BABAM2: variants seen among roughly 807,000 people sequenced by gnomAD.
BABAM2 encodes BRISC and BRCA1-A complex member 2.
In BABAM2, 31 loss-of-function variants were observed where a neutral mutation model predicts 54.7. That is an observed-to-expected ratio of 0.57 (90% confidence interval 0.43 to 0.77). BABAM2 has a LOEUF of 0.77. Ranked by LOEUF, BABAM2 falls within the 30% of genes least tolerant of loss-of-function variation. BABAM2 has a pLI of 0.00. For synonymous variants in BABAM2, 167 were observed against 162.9 expected (o/e 1.03, Z -0.19); for missense variants, 364 against 455.8 (o/e 0.80, Z 1.83).
At chr2:28,006,418 T>C (rs1014533777) in intron 4 of BABAM2, among the ~76,000 whole-genome samples, 2 of 152,092 alleles carry the variant, frequency 1.3e-5, no homozygotes, top group African/African-American at 4.8e-5. Context: ...TAGATTTTAT[T>C]TAGATAATTG....
intron 1 of BABAM2, among the ~76,000 whole-genome samples, chr2:27,893,239 GA>G (rs1665009121): frequency 6.6e-6 from 1 of 152,262 alleles, no homozygotes; most frequent in South Asian, 2.1e-4. Context: ...AATCTATTAA[GA>G]AGAATTCGTG....
chr2:28,260,861 G>A (rs1035981148), intron 10 of BABAM2, among the ~76,000 whole-genome samples: 5 of 151,408 alleles, frequency 3.3e-5, no homozygotes, highest in African/African-American at 4.9e-5. Context: ...TACAAGTCTT[G>A]CACATCTTTT....
chr2:28,250,831 C>T (rs1683404934), intron 10 of BABAM2, among the ~76,000 whole-genome samples: 1 of 152,094 alleles, frequency 6.6e-6, no homozygotes, highest in South Asian at 2.1e-4. Flanking sequence ...GATCTCCTGA[C>T]CTCGTGATCT....
At chr2:28,120,345 A>G (rs944358682) in intron 6 of BABAM2, among the ~76,000 whole-genome samples, 1 of 152,214 alleles carries the variant, frequency 6.6e-6, no homozygotes, top group East Asian at 1.9e-4. Context: ...GTAAATATAC[A>G]GTAAATCTTT....
At chr2:28,011,522 G>C (rs967864405) in intron 4 of BABAM2, among the ~76,000 whole-genome samples, 2 of 152,164 alleles carry the variant, frequency 1.3e-5, no homozygotes, top group African/African-American at 4.8e-5. Flanking sequence ...TTTCGACTAA[G>C]AGGAAGAGGG....
At chr2:27,945,299 G>A (rs1669217418) in intron 3 of BABAM2, among the ~76,000 whole-genome samples, 1 of 152,048 alleles carries the variant, frequency 6.6e-6, no homozygotes, top group Non-Finnish European at 1.5e-5. Flanking sequence ...AAGGTGCTGA[G>A]ATTACAGGCA....
chr2:27,916,089 T>C (rs1666946464), intron 2 of BABAM2, among the ~76,000 whole-genome samples: 1 of 152,236 alleles, frequency 6.6e-6, no homozygotes, highest in Non-Finnish European at 1.5e-5. Context: ...GCTCTGCTAG[T>C]ACATTCCCTT....
intron 11 of BABAM2, among the ~76,000 whole-genome samples, chr2:28,330,334 G>A (rs914142956): frequency 1.3e-5 from 2 of 152,224 alleles, no homozygotes; most frequent in South Asian, 4.1e-4. Context: ...TCTGGCCAGA[G>A]AAATAAGGCA....
At position 28,037,341 on chromosome 2, in the gene BABAM2, T is replaced by G. The variant is rs533724618; in HGVS notation, c.496-8384T>G. Among the ~76,000 whole-genome samples, 3 of 152,322 alleles carry G rather than the reference T, an allele frequency of 2.0e-5. No individual in the cohort carries two copies. In the East Asian group the frequency reaches 5.8e-4, roughly 29 times the overall value. On this transcript the variant is annotated intron_variant, in intron 5 of 11. Coordinates refer to ENST00000379624, the MANE Select transcript of BABAM2 (RefSeq NM_199191.3). Reference sequence around the variant, plus strand: ...ATTATGCACTGTTTTGGATCTTCCTTTTAACTCAATATAGCTCAGAGATTT... The same window carrying G: ...ATTATGCACTGTTTTGGATCTTCCTGTTAACTCAATATAGCTCAGAGATTT...
chr2:27,937,684 A>C (rs916327203), intron 3 of BABAM2, among the ~76,000 whole-genome samples: 8 of 151,762 alleles, frequency 5.3e-5, no homozygotes, highest in Admixed American at 3.9e-4. Flanking sequence ...TAGTGGCTTG[A>C]ATTCTTTATA....
intron 11 of BABAM2, among the ~76,000 whole-genome samples, chr2:28,336,210 G>A (rs1691452043): frequency 2.6e-5 from 4 of 152,182 alleles, no homozygotes; most frequent in Admixed American, 2.6e-4. Flanking sequence ...CAGGAGCTAT[G>A]GGAGTCACTA....
intron 7 of BABAM2, among the ~76,000 whole-genome samples, chr2:28,200,373 A>T (rs1346678231): frequency 6.6e-6 from 1 of 152,232 alleles, no homozygotes; most frequent in Non-Finnish European, 1.5e-5. Flanking sequence ...TTTGTTAGAG[A>T]AGTGAATGAA....
At chr2:27,956,214 G>A (rs975498281) in intron 3 of BABAM2, among the ~76,000 whole-genome samples, 7 of 152,000 alleles carry the variant, frequency 4.6e-5, no homozygotes, top group Admixed American at 2.6e-4. Context: ...TTTCTTTTAT[G>A]TTCTGGTTCC....
At chr2:27,901,448 G>A (rs1466499996) in intron 2 of BABAM2, among the ~76,000 whole-genome samples, 1 of 152,182 alleles carries the variant, frequency 6.6e-6, no homozygotes, top group Non-Finnish European at 1.5e-5. Context: ...CATCTGCTGT[G>A]ACATCTCATC....
At chr2:27,948,282 T>A (rs1027471428) in intron 3 of BABAM2, among the ~76,000 whole-genome samples, 12 of 152,272 alleles carry the variant, frequency 7.9e-5, no homozygotes, top group South Asian at 2.1e-4. Context: ...TTTTTTTTTT[T>A]ATCTATTGAT....
At chr2:27,894,783 A>G (rs1665155784) in intron 2 of BABAM2, 99 bp downstream of exon 2, 4 of 1,408,184 alleles carry the variant, frequency 2.8e-6, no homozygotes, top group Non-Finnish European at 2.9e-6. Flanking sequence ...TGACTGCCAC[A>G]GAAACCCACC....
intron 7 of BABAM2, among the ~76,000 whole-genome samples, chr2:28,210,894 A>G (rs1031466379): frequency 4.6e-5 from 7 of 152,230 alleles, no homozygotes; most frequent in African/African-American, 1.7e-4. Flanking sequence ...ATTTGAGGAG[A>G]ACACTTAACA....
At chr2:27,957,069 C>G (rs1216771162) in intron 3 of BABAM2, among the ~76,000 whole-genome samples, 3 of 152,182 alleles carry the variant, frequency 2.0e-5, no homozygotes, top group Non-Finnish European at 4.4e-5. Context: ...AAATCAGACG[C>G]TTTGGTCATC....
At chr2:28,176,800 C>A (rs1573759107) in intron 7 of BABAM2, among the ~76,000 whole-genome samples, 1 of 122,028 alleles carries the variant, frequency 8.2e-6, no homozygotes, top group Non-Finnish European at 1.7e-5. Context: ...GAAGAAAATT[C>A]AGAACTTGAA....
Sources: gnomAD v4.1 joint callset for allele counts (sites outside exome capture counted in the v4.1 genomes callset) on GRCh38, gnomAD v4.1.1 for gene constraint, MANE v1.5 for transcripts, NCBI Gene and HGNC (gene_info 2026-07-23, HGNC 2026-07-21) for gene names.